RBMS1: variants seen among roughly 807,000 people sequenced by gnomAD.
RBMS1 encodes the protein RNA binding motif single stranded interacting protein 1, also known as RNA-binding motif, single-stranded-interacting protein 1.
In RBMS1, 17 loss-of-function variants were observed where a neutral mutation model predicts 62.3. The observed-to-expected ratio is 0.27, with a 90% CI of 0.19 to 0.41. The LOEUF (loss-of-function observed/expected upper bound fraction) is 0.41. Ranked by LOEUF, RBMS1 falls within the 10% of genes least tolerant of loss-of-function variation. RBMS1 has a pLI of 1.00. For synonymous variants in RBMS1, 172 were observed against 170.0 expected, an observed-to-expected ratio of 1.01 and a Z score of -0.09; for missense variants, 334 against 504.5, an observed-to-expected ratio of 0.66 and a Z score of 3.24.
intron 2 of RBMS1, among the ~76,000 whole-genome samples, chr2:160,329,788 C>T (rs1378765094): frequency 6.6e-6 from 1 of 151,732 alleles, no homozygotes; most frequent in Non-Finnish European, 1.5e-5. Context: ...TGCTTCTTAT[C>T]TATATGATTG....
At chr2:160,433,286 A>G (rs913281284) in intron 1 of RBMS1, among the ~76,000 whole-genome samples, 1 of 152,138 alleles carries the variant, frequency 6.6e-6, no homozygotes, top group Non-Finnish European at 1.5e-5. Flanking sequence ...GTGGTGGTGC[A>G]CACCCATAGT....
At chr2:160,287,611 C>G (rs1490738088) in intron 6 of RBMS1, among the ~76,000 whole-genome samples, 1 of 152,194 alleles carries the variant, frequency 6.6e-6, no homozygotes, top group Non-Finnish European at 1.5e-5. Flanking sequence ...TGTCTGTTTC[C>G]CCTTCTAGGC....
At chr2:160,297,463 G>A (rs757834286) in intron 6 of RBMS1, among the ~76,000 whole-genome samples, 3 of 152,220 alleles carry the variant, frequency 2.0e-5, no homozygotes, top group Non-Finnish European at 4.4e-5. Context: ...AATATTTGTT[G>A]TTGCATAGTA....
chr2:160,358,642 T>C (rs1692942834), intron 2 of RBMS1, among the ~76,000 whole-genome samples: 1 of 152,108 alleles, frequency 6.6e-6, no homozygotes, highest in Non-Finnish European at 1.5e-5. Flanking sequence ...TGTAAATGGG[T>C]GCAAGAAGCT....
At chr2:160,300,388 G>C (rs1267362870) in intron 6 of RBMS1, among the ~76,000 whole-genome samples, 3 of 152,200 alleles carry the variant, frequency 2.0e-5, no homozygotes, top group Non-Finnish European at 2.9e-5. Flanking sequence ...AGGTGGTTCA[G>C]AAGCTGGCTG....
intron 4 of RBMS1, among the ~76,000 whole-genome samples, chr2:160,306,318 T>C (rs1344339232): frequency 1.3e-5 from 2 of 152,292 alleles, no homozygotes. Context: ...ATATTACACA[T>C]GCTTTAAAGT....
intron 1 of RBMS1, among the ~76,000 whole-genome samples, chr2:160,471,256 A>G (rs920933512): frequency 6.6e-6 from 1 of 152,196 alleles, no homozygotes; most frequent in Non-Finnish European, 1.5e-5. Context: ...TAATGCTTCT[A>G]TGTACAAAAT....
intron 1 of RBMS1, among the ~76,000 whole-genome samples, chr2:160,394,336 GA>G (rs1015390293): frequency 6.6e-6 from 1 of 152,158 alleles, no homozygotes; most frequent in African/African-American, 2.4e-5. Context: ...CTTACACCTA[GA>G]AACCACAGAG....
intron 2 of RBMS1, among the ~76,000 whole-genome samples, chr2:160,365,093 T>C (rs1693326383): frequency 6.6e-6 from 1 of 152,204 alleles, no homozygotes; most frequent in African/African-American, 2.4e-5. Flanking sequence ...TAGCTCTTCT[T>C]TATTGGAAAC....
intron 4 of RBMS1, among the ~76,000 whole-genome samples, chr2:160,304,912 T>C (rs970993061): frequency 6.6e-6 from 1 of 152,188 alleles, no homozygotes; most frequent in Middle Eastern, 3.2e-3. Context: ...TGGAGTGCAG[T>C]GGCGCGATCT....
chr2:160,366,474 A>G (rs1693404968), intron 2 of RBMS1, among the ~76,000 whole-genome samples: 1 of 152,210 alleles, frequency 6.6e-6, no homozygotes, highest in Non-Finnish European at 1.5e-5. Context: ...GCTCGATGCA[A>G]TTTGATGCTT....
intron 9 of RBMS1, chr2:160,282,517 C>T (rs1462100388): frequency 4.0e-5 from 13 of 327,802 alleles, no homozygotes; most frequent in Admixed American, 1.5e-4. Context: ...CAACTCCCTA[C>T]AGACCCTAAT....
intron 2 of RBMS1, among the ~76,000 whole-genome samples, chr2:160,329,543 T>C (rs1292033032): frequency 6.6e-6 from 1 of 152,084 alleles, no homozygotes; most frequent in Non-Finnish European, 1.5e-5. Context: ...TTCAGAATCT[T>C]GAAACTCAAG....
intron 1 of RBMS1, chr2:160,493,067 C>G (rs935319609): frequency 2.3e-5 from 12 of 519,040 alleles, no homozygotes; most frequent in South Asian, 5.2e-5. Context: ...GTCTCTCCCC[C>G]CGCGGCTTTC....
Position 160,313,233 on chromosome 2 carries a change from C to G in RBMS1, c.325G>C (p.Asp109His). Residue 109 changes from aspartate (D) to histidine (H), a missense_variant, in exon 4 of 14, where the codon GAC becomes CAC. This residue lies in a region of RBMS1 where 150 missense variants were observed against 228.0 expected (regional missense o/e 0.66). Transcript: ENST00000348849. ...TGAGCTGCTGCAGGGCTGTCAAAGTCGACAAAACCATAACCTGAAATGCAA... is the reference window on the plus strand; with the variant it reads ...TGAGCTGCTGCAGGGCTGTCAAAGTGGACAAAACCATAACCTGAAATGCAA... ...TNKCKGYGFV[D>H]FDSPAAAQKA... 1 of 1,613,040 alleles carries G rather than the reference C, an allele frequency of 6.2e-7. No homozygotes were observed. Among genetic ancestry groups the G allele is most frequent in the Non-Finnish European group, 8.5e-7 (1 of 1,179,336 alleles).
At position 160,471,711 on chromosome 2, in the gene RBMS1, AT is replaced by A. The variant is rs1559593851; in HGVS notation, c.75+21577del. Among the ~76,000 whole-genome samples the A allele has an allele frequency of 5.8e-4, 68 of 116,644 alleles. 5 individuals carry two copies. Among genetic ancestry groups the A allele is most frequent in the Middle Eastern group, 4.1e-3 (1 of 242 alleles). The allele number at this position is 116,644 out of a possible 152,430, so 76.5% of individuals were successfully genotyped here. On this transcript the variant is annotated intron_variant, in intron 1 of 13. Transcript: ENST00000348849. ...TTGGTGTATATATATATATATATAT[AT>A]ATATAACCTTTCATACATTCTGATT...
At chr2:160,314,807 T>A (rs1234139978) in intron 3 of RBMS1, among the ~76,000 whole-genome samples, 1 of 152,146 alleles carries the variant, frequency 6.6e-6, no homozygotes, top group Non-Finnish European at 1.5e-5. Flanking sequence ...AGAATGATAC[T>A]CAACTACCAG....
intron 1 of RBMS1, among the ~76,000 whole-genome samples, chr2:160,435,817 A>G (rs1351555170): frequency 2.6e-5 from 4 of 152,352 alleles, no homozygotes; most frequent in Middle Eastern, 3.4e-3. Flanking sequence ...CTAGCACTCA[A>G]GAATGCATTC....
At chr2:160,432,516 T>C (rs569770569) in intron 1 of RBMS1, 2 of 152,304 alleles carry the variant, frequency 1.3e-5, no homozygotes, top group South Asian at 2.1e-4. Context: ...AATGGGGGCA[T>C]TGGCAATGCT....
Sources: allele counts gnomAD v4.1 joint callset (sites outside exome capture counted in the v4.1 genomes callset), GRCh38; gene constraint gnomAD v4.1.1; regional missense constraint gnomAD v4.1.1; transcripts MANE v1.5; gene names NCBI Gene and HGNC (gene_info 2026-07-23, HGNC 2026-07-21).